Variants in ABL1 observed in about 807,000 individuals in gnomAD.
ABL1 encodes tyrosine-protein kinase ABL1.
A neutral mutation model predicts 94.7 loss-of-function variants in ABL1; 11 were observed. The ratio of observed to expected loss-of-function variants is 0.12; its 90% confidence interval spans 0.07 to 0.19. The LOEUF (loss-of-function observed/expected upper bound fraction) is 0.19. Ranked by LOEUF, ABL1 falls within the 10% of genes least tolerant of loss-of-function variation. ABL1 has a pLI of 1.00. For synonymous variants in ABL1, 656 were observed against 622.4 expected (o/e 1.05, Z -0.80); for missense variants, 1,082 against 1,489.4 (o/e 0.73, Z 4.50).
rs369325802 is a variant in ABL1 at position 130,801,335 on chromosome 9, C to T, written c.137-52729C>T. Among the ~76,000 whole-genome samples the T allele has an allele frequency of 4.6e-5, 7 of 152,074 alleles. No individual in the cohort carries two copies. The East Asian group carries it at 1.4e-3, about 29-fold the overall frequency. On this transcript the variant is annotated intron_variant, in intron 1 of 10. Coordinates refer to the ABL1 transcript ENST00000372348. ...CTCCACCTCCTGGGTTCAAGCGAGT[C>T]TCCTGCCTCAGCCTCCCGAGCAGCT...
intron 1 of ABL1, among the ~76,000 whole-genome samples, chr9:130,772,357 A>G (rs1832262926): frequency 6.6e-6 from 1 of 152,224 alleles, no homozygotes; most frequent in African/African-American, 2.4e-5. Flanking sequence ...ACATGAGTAC[A>G]AGGCATTGAG....
chr9:130,765,962 T>C (rs957670632), intron 1 of ABL1, among the ~76,000 whole-genome samples: 3 of 152,202 alleles, frequency 2.0e-5, no homozygotes, highest in African/African-American at 7.2e-5. Context: ...GGTGTTGGTC[T>C]CATATTTGAG....
At chr9:130,717,532 A>G (rs896687341) in intron 1 of ABL1, among the ~76,000 whole-genome samples, 1 of 149,866 alleles carries the variant, frequency 6.7e-6, no homozygotes, top group Non-Finnish European at 1.5e-5. Context: ...GTGAGATCTT[A>G]CCTCTACAGA....
chr9:130,774,946 T>C (rs1432489771), intron 1 of ABL1, among the ~76,000 whole-genome samples: 1 of 152,194 alleles, frequency 6.6e-6, no homozygotes, highest in Non-Finnish European at 1.5e-5. Flanking sequence ...ACTTGTCTGA[T>C]TTGGTCTGCA....
At chr9:130,838,576 TTTA>T (rs3049099) in intron 1 of ABL1, among the ~76,000 whole-genome samples, 32,532 of 152,024 alleles carry the variant, frequency 0.21, 4,243 homozygotes, top group African/African-American at 0.37. Context: ...CATATAAGCA[TTTA>T]TTATAACATG....
At position 130,878,550 on chromosome 9, in the gene ABL1, A is replaced by G; in HGVS notation, c.1406A>G (p.Tyr469Cys). The G allele has an allele frequency of 6.2e-7, 1 of 1,614,210 alleles. No individual in the cohort carries two copies. The highest frequency in any genetic ancestry group is 8.5e-7 in the Non-Finnish European group (1 of 1,180,032). Residue 469 changes from tyrosine (Y) to cysteine (C), a missense_variant, in exon 8 of 11, where the codon TAT becomes TGT. Coordinates refer to ENST00000318560, the MANE Select transcript of ABL1 (RefSeq NM_005157.6). ...ERPEGCPEKV[Y>C]ELMRACWQWN... ...CCAGAAGGCTGCCCAGAGAAGGTCTATGAACTCATGCGAGCATGTAAGCCT... is the reference window on the plus strand; with the variant it reads ...CCAGAAGGCTGCCCAGAGAAGGTCTGTGAACTCATGCGAGCATGTAAGCCT...
At chr9:130,827,197 TA>T (rs1046861991) in intron 1 of ABL1, among the ~76,000 whole-genome samples, 7 of 152,204 alleles carry the variant, frequency 4.6e-5, no homozygotes, top group Non-Finnish European at 1.0e-4. Flanking sequence ...GCAGATTTTT[TA>T]AAAGTCTGCA....
chr9:130,830,696 T>C (rs182504251), upstream of ABL1, among the ~76,000 whole-genome samples: 150 of 152,278 alleles, frequency 9.9e-4, no homozygotes, highest in African/African-American at 3.4e-3. Context: ...GAAATAACAA[T>C]AGCTACTGTT....
intron 1 of ABL1, among the ~76,000 whole-genome samples, chr9:130,718,015 A>G (rs1831466583): frequency 1.3e-5 from 1 of 75,048 alleles, no homozygotes; most frequent in South Asian, 4.7e-4. Flanking sequence ...TCTTGTCTCA[A>G]AAAAAAAAAA....
Position 130,880,756 on chromosome 9 carries a change from T to C in ABL1, c.1678+92T>C, listed in dbSNP as rs1831438321. ...TCATAGGCCAACGGGAAGCTGTGAATGGAGCCCGCACAGAAGGGCAGCCAT... is the reference window on the plus strand; with the variant it reads ...TCATAGGCCAACGGGAAGCTGTGAACGGAGCCCGCACAGAAGGGCAGCCAT... On this transcript the variant is annotated intron_variant, in intron 10 of 10. Coordinates refer to ENST00000318560, the MANE Select transcript of ABL1 (RefSeq NM_005157.6). This position sits in a 1 kb window ranked among gnomAD's most constrained non-coding sequence, Gnocchi z 4.4. 1.4e-6 allele frequency: 2 copies of C among 1,461,592 alleles called. No individual in the cohort carries two copies. Among genetic ancestry groups the C allele is most frequent in the Middle Eastern group, 2.4e-4 (1 of 4,098 alleles). 90.5% of individuals were successfully genotyped at this position (1,461,592 alleles called of 1,614,324 possible).
At position 130,880,458 on chromosome 9, in the gene ABL1, A is replaced by T. The variant is rs781602355; in HGVS notation, c.1514-42A>T. On this transcript the variant is annotated intron_variant, in intron 9 of 10. Transcript: ENST00000318560. This position sits in a 1 kb window ranked among gnomAD's most constrained non-coding sequence, Gnocchi z 4.4. ...CCACACCAAGCCAACACCAGTACTG[A>T]TGGCTGCTGGATTTTTGTTTCTGTC... 1.9e-6 allele frequency: 3 copies of T among 1,609,730 alleles called. No homozygotes were observed. The highest frequency in any genetic ancestry group is 2.5e-6 in the Non-Finnish European group (3 of 1,177,014).
At chr9:130,835,038 C>A (rs770557868), upstream of ABL1, 3 of 323,942 alleles carry the variant, frequency 9.3e-6, no homozygotes, top group Non-Finnish European at 1.2e-5. The surrounding 1 kb of genome is among the most constrained non-coding windows in gnomAD (Gnocchi z 4.6). Context: ...CGCTTCCAGG[C>A]GGAGAAAGAC....
intron 1 of ABL1, among the ~76,000 whole-genome samples, chr9:130,757,816 C>G (rs1256019392): frequency 1.3e-5 from 2 of 152,070 alleles, no homozygotes; most frequent in Non-Finnish European, 2.9e-5. Context: ...GCTGGGATTA[C>G]AGGCATGAGC....
intron 8 of ABL1, among the ~76,000 whole-genome samples, chr9:130,879,420 G>C (rs1831414661): frequency 6.6e-6 from 1 of 152,138 alleles, no homozygotes; most frequent in African/African-American, 2.4e-5. Flanking sequence ...ATGTGCATTT[G>C]GTTGTTTTAC....
rs1830739594 is a variant in ABL1, at chr9:130,844,906, A to G, written c.80-9158A>G. ...TGTGTTCTTAAAAAAATTAAATGCT[A>G]CATTTTAGTAAGAGGTTAGTGAAAT... On this transcript the variant is annotated intron_variant, in intron 1 of 10. Coordinates refer to ENST00000318560, the MANE Select transcript of ABL1 (RefSeq NM_005157.6). Among the ~76,000 whole-genome samples the G allele has an allele frequency of 2.0e-5, 3 of 152,208 alleles. No homozygotes were observed. In the South Asian group the frequency reaches 6.2e-4, roughly 31 times the overall value.
intron 6 of ABL1, 102 bp from the exon 7 acceptor site, chr9:130,874,766 A>G (rs1246949364): frequency 3.9e-6 from 5 of 1,276,774 alleles, no homozygotes; most frequent in Non-Finnish European, 5.6e-6. Flanking sequence ...CATTGGACTC[A>G]ATCTTTCCAT....
chr9:130,734,650 T>A (rs1393426178), intron 1 of ABL1, among the ~76,000 whole-genome samples: 1 of 151,542 alleles, frequency 6.6e-6, no homozygotes, highest in Non-Finnish European at 1.5e-5. Flanking sequence ...GCCTCCCGAG[T>A]AGCTGGGATC....
In ABL1 at chr9:130,835,550, G is replaced by A. The variant is rs755488526; in HGVS notation, c.79+25G>A. 3.9e-6 allele frequency: 6 copies of A among 1,542,666 alleles called. No individual in the cohort carries two copies. The South Asian group carries it at 6.0e-5, about 15-fold the overall frequency. Reference sequence around the variant, plus strand: ...GGTAAGCCCGGGCCGCACGGGTTGGGCTGAGTAGCCGCGCGCCCTCCCGCT... The same window carrying A: ...GGTAAGCCCGGGCCGCACGGGTTGGACTGAGTAGCCGCGCGCCCTCCCGCT... On this transcript the variant is annotated intron_variant, in intron 1 of 10. Transcript: ENST00000318560. The surrounding 1 kb of genome is among the most constrained non-coding windows in gnomAD (Gnocchi z 4.6).
At chr9:130,854,704 G>A (rs2132957455) in intron 2 of ABL1, 97 bp from the exon 3 acceptor site, 1 of 1,275,048 alleles carries the variant, frequency 7.8e-7, no homozygotes, top group East Asian at 2.4e-5. Flanking sequence ...TGGTATTTAG[G>A]AATTTGGAGA....
Sources: allele counts gnomAD v4.1 joint callset (sites outside exome capture counted in the v4.1 genomes callset), GRCh38; gene constraint gnomAD v4.1.1; non-coding constraint Gnocchi (gnomAD v3.1); transcripts MANE v1.5; gene names NCBI Gene and HGNC (gene_info 2026-07-23, HGNC 2026-07-21).